Variants in GORAB observed in about 807,000 individuals in gnomAD.
GORAB encodes RAB6-interacting golgin.
Under a neutral mutation model 29.9 loss-of-function variants are expected in GORAB, and 17 were observed. That is an observed-to-expected ratio of 0.57 (90% CI 0.39 to 0.85). The LOEUF is 0.85. Ranked by LOEUF, GORAB falls within the 40% of genes least tolerant of loss-of-function variation. GORAB has a pLI of 0.00. For synonymous variants in GORAB, 183 were observed against 157.2 expected, an observed-to-expected ratio of 1.16 and a Z score of -1.23; for missense variants, 442 against 437.8, an observed-to-expected ratio of 1.01 and a Z score of -0.09.
At chr1:170,536,760 CAT>C (rs1329625908) in intron 1 of GORAB, among the ~76,000 whole-genome samples, 2 of 152,132 alleles carry the variant, frequency 1.3e-5, no homozygotes, top group Non-Finnish European at 2.9e-5. Context: ...ACTGCTGAAA[CAT>C]AGACAATATG....
At chr1:170,533,585 C>T (rs1353989355) in intron 1 of GORAB, 4 of 454,010 alleles carry the variant, frequency 8.8e-6, no homozygotes, top group South Asian at 1.6e-5. Context: ...CTCACTCTGC[C>T]GGGGATTGGA....
intron 3 of GORAB, among the ~76,000 whole-genome samples, chr1:170,543,990 G>C (rs1649602150): frequency 6.6e-6 from 1 of 152,154 alleles, no homozygotes; most frequent in African/African-American, 2.4e-5. Context: ...CCTTCACAAT[G>C]TGTGTGAAAA....
intron 3 of GORAB, among the ~76,000 whole-genome samples, chr1:170,543,483 A>G (rs1649566210): frequency 6.6e-6 from 1 of 152,170 alleles, no homozygotes; most frequent in Non-Finnish European, 1.5e-5. Context: ...TTTGTCTGCC[A>G]GAGGAGTGAG....
chr1:170,542,785 T>C lies in GORAB; in HGVS notation c.521+193T>C, dbSNP rs41272495. Among the ~76,000 whole-genome samples the C allele has an allele frequency of 0.042, 6,416 of 152,314 alleles. 355 individuals are homozygous for C. The highest frequency in any genetic ancestry group is 0.13 in the African/African-American group (5,358 of 41,540). On this transcript the variant is annotated intron_variant, in intron 3 of 4. Coordinates refer to ENST00000367763, the MANE Select transcript of GORAB (RefSeq NM_152281.3). ...TTATAATTTATTAAAGAGAACTTTTTAAGCATAGAGCATATTAAATTTGTA... is the reference window on the plus strand; with the variant it reads ...TTATAATTTATTAAAGAGAACTTTTCAAGCATAGAGCATATTAAATTTGTA...
At chr1:170,540,757 C>G (rs916113799) in intron 2 of GORAB, among the ~76,000 whole-genome samples, 6 of 152,120 alleles carry the variant, frequency 3.9e-5, no homozygotes, top group African/African-American at 1.4e-4. Flanking sequence ...CATAAAAGAC[C>G]TGTAACCTCA....
intron 3 of GORAB, among the ~76,000 whole-genome samples, chr1:170,544,295 A>T (rs1490827185): frequency 3.3e-5 from 5 of 152,214 alleles, no homozygotes; most frequent in African/African-American, 1.2e-4. Context: ...ATAGACATCT[A>T]TCTGTTCTTA....
chr1:170,544,078 G>A (rs1649607387), intron 3 of GORAB, among the ~76,000 whole-genome samples: 1 of 152,116 alleles, frequency 6.6e-6, no homozygotes, highest in Admixed American at 6.6e-5. Flanking sequence ...TATTGTACTT[G>A]GGAGAGGGGA....
chr1:170,552,490 G>T lies in GORAB; in HGVS notation c.*28G>T. On this transcript the variant is annotated 3_prime_UTR_variant, in exon 5 of 5. Transcript: ENST00000367763. Reference sequence around the variant, plus strand: ...TTCTGGTATTCTTTTGAGCTAATATGGTATTGAGTAAAGTATACTTTTTGC... The same window carrying T: ...TTCTGGTATTCTTTTGAGCTAATATTGTATTGAGTAAAGTATACTTTTTGC... The T allele has an allele frequency of 6.3e-7, 1 of 1,576,736 alleles. No individual in the cohort carries two copies. Among genetic ancestry groups the T allele is most frequent in the South Asian group, 1.1e-5 (1 of 90,102 alleles).
In GORAB at chr1:170,542,588, G is replaced by A. The variant is rs771927590; in HGVS notation, c.517G>A (p.Glu173Lys). 5.6e-6 allele frequency: 9 copies of A among 1,605,056 alleles called. No homozygotes were observed. The highest frequency in any genetic ancestry group is 6.8e-6 in the Non-Finnish European group (8 of 1,171,882). Residue 173 changes from glutamate (E) to lysine (K), a missense_variant, in exon 3 of 5, where the codon GAA (glutamate) becomes AAA (lysine). Glu to Lys is a moderately conservative substitution (Grantham distance 56, BLOSUM62 1). Transcript: ENST00000367763. ...AGCTCTTTTGGCTAAAGCTATTGCA[G>A]AAAGGTGAGGCACCTGAACCAGGAG... ...KKALLAKAIAERSKRTQAETM... is the reference protein window; with the variant it reads ...KKALLAKAIAKRSKRTQAETM...
At chr1:170,549,031 A>G (rs2101831653) in intron 4 of GORAB, among the ~76,000 whole-genome samples, 1 of 152,302 alleles carries the variant, frequency 6.6e-6, no homozygotes, top group East Asian at 1.9e-4. Context: ...CTAAAAGTGG[A>G]CCCGTGGAAC....
chr1:170,541,410 G>T (rs1040912533), intron 2 of GORAB, among the ~76,000 whole-genome samples: 1 of 151,980 alleles, frequency 6.6e-6, no homozygotes, highest in African/African-American at 2.4e-5. Context: ...GAAATCCCAG[G>T]TGTCAATATT....
intron 1 of GORAB, chr1:170,536,526 C>A (rs1457556120): frequency 2.0e-5 from 3 of 152,158 alleles, no homozygotes; most frequent in Non-Finnish European, 2.9e-5. Context: ...CTAGAGGGAG[C>A]ACACTTTGGA....
intron 2 of GORAB, among the ~76,000 whole-genome samples, chr1:170,540,700 A>C (rs1027411614): frequency 4.6e-5 from 7 of 152,218 alleles, no homozygotes; most frequent in Admixed American, 3.9e-4. Context: ...TTTGGATTGG[A>C]TGTTATAGGG....
At chr1:170,532,582 G>C (rs1440115294) in intron 1 of GORAB, 1 of 403,008 alleles carries the variant, frequency 2.5e-6, no homozygotes, top group Non-Finnish European at 4.7e-6. Context: ...CTACAGCCGG[G>C]GTGTCTCCCT....
intron 3 of GORAB, 37 bp downstream of exon 3, chr1:170,542,629 T>G: frequency 3.2e-6 from 4 of 1,252,244 alleles, no homozygotes; most frequent in Non-Finnish European, 4.7e-6. Flanking sequence ...GTTTGTAACC[T>G]GTAACCAGTT....
At chr1:170,548,083 A>G (rs1649871107) in intron 4 of GORAB, among the ~76,000 whole-genome samples, 1 of 152,180 alleles carries the variant, frequency 6.6e-6, no homozygotes, top group Non-Finnish European at 1.5e-5. Flanking sequence ...AACAACAGAA[A>G]TTACTTCTCT....
Position 170,539,354 on chromosome 1 carries a change from CA to C in GORAB, c.210del (p.Lys70AsnfsTer86), listed in dbSNP as rs1181703281. The C allele has an allele frequency of 1.2e-6, 2 of 1,614,110 alleles. No homozygotes were observed. Among genetic ancestry groups the C allele is most frequent in the Admixed American group, 1.7e-5 (1 of 60,014 alleles). On this transcript the variant is annotated frameshift_variant, in exon 2 of 5. Transcript: ENST00000367763. LOFTEE classifies it high-confidence loss of function. ...CTTCCAGAGCAGCTGCTTTCAGCACCAAAACAGAGAGTTAACGTTCAAAAAC... is the reference window on the plus strand; with the variant it reads ...CTTCCAGAGCAGCTGCTTTCAGCACCAAACAGAGAGTTAACGTTCAAAAAC... ...SLLPEQLLSAPKQRVNVQKPP... is the reference protein window; with the variant it reads ...SLLPEQLLSAXKQRVNVQKPP...
rs200554817 is a variant in GORAB, at chr1:170,552,464, G to A, written c.*2G>A. Reference sequence around the variant, plus strand: ...ATTTCAGCTGCTTTGGCCACATGAAGTTCTGGTATTCTTTTGAGCTAATAT... The same window carrying A: ...ATTTCAGCTGCTTTGGCCACATGAAATTCTGGTATTCTTTTGAGCTAATAT... On this transcript the variant is annotated 3_prime_UTR_variant, in exon 5 of 5. Coordinates refer to ENST00000367763, the MANE Select transcript of GORAB (RefSeq NM_152281.3). The A allele has an allele frequency of 3.7e-6, 6 of 1,612,716 alleles. No individual in the cohort carries two copies. The African/African-American group carries it at 6.7e-5, about 18-fold the overall frequency.
At position 170,553,477 on chromosome 1, in the gene GORAB, T is replaced by C. The variant is rs746087473; in HGVS notation, c.*1015T>C. ...TGAATATCACATTATGATTTATTTA[T>C]CAGAAATTCCAAAAAGTAAAAATAT... On this transcript the variant is annotated 3_prime_UTR_variant, in exon 5 of 5. Coordinates refer to ENST00000367763, the MANE Select transcript of GORAB (RefSeq NM_152281.3). 2.6e-5 allele frequency: 11 copies of C among 428,914 alleles called. No individual in the cohort carries two copies. Among genetic ancestry groups the C allele is most frequent in the South Asian group, 1.0e-4 (6 of 57,804 alleles). The allele number at this position is 428,914 out of a possible 1,614,324, so 26.6% of individuals were successfully genotyped here.
Sources: gnomAD v4.1 joint callset for allele counts (sites outside exome capture counted in the v4.1 genomes callset) on GRCh38, gnomAD v4.1.1 for gene constraint, MANE v1.5 for transcripts, NCBI Gene and HGNC (gene_info 2026-07-23, HGNC 2026-07-21) for gene names.